Variants in PTPRM observed in about 807,000 individuals in gnomAD.
PTPRM encodes receptor-type tyrosine-protein phosphatase mu.
Under a neutral mutation model 186.7 loss-of-function variants are expected in PTPRM, and 47 were observed. The observed-to-expected ratio is 0.25, with a 90% confidence interval of 0.20 to 0.32. The LOEUF (loss-of-function observed/expected upper bound fraction) is 0.32, where lower values mean the gene tolerates loss of function less well. Ranked by LOEUF, PTPRM falls within the 10% of genes least tolerant of loss-of-function variation. The pLI is 1.00. For synonymous variants in PTPRM, 668 were observed against 674.9 expected, an observed-to-expected ratio of 0.99 and a Z score of 0.16; for missense variants, 1,494 against 1,865.0, an observed-to-expected ratio of 0.80 and a Z score of 3.66.
At chr18:7,926,390 C>T (rs971646441) in intron 4 of PTPRM, among the ~76,000 whole-genome samples, 178 bp from the exon 5 acceptor site, 2 of 152,026 alleles carry the variant, frequency 1.3e-5, no homozygotes, top group African/African-American at 2.4e-5. Flanking sequence ...CATACTAAAA[C>T]CTTTTATGAT....
chr18:8,111,928 A>G (rs560518786), intron 11 of PTPRM, among the ~76,000 whole-genome samples: 5 of 152,266 alleles, frequency 3.3e-5, no homozygotes, highest in African/African-American at 1.2e-4. Context: ...TTTGTTTTTA[A>G]TGGTATTCCA....
chr18:8,015,578 AC>A (rs2084807712), intron 7 of PTPRM, among the ~76,000 whole-genome samples: 1 of 131,130 alleles, frequency 7.6e-6, no homozygotes, highest in Non-Finnish European at 1.8e-5. Context: ...AACCTTGCTT[AC>A]TTTGATAGGG....
intron 1 of PTPRM, among the ~76,000 whole-genome samples, chr18:7,612,674 G>T (rs2037705137): frequency 6.6e-6 from 1 of 152,160 alleles, no homozygotes; most frequent in Non-Finnish European, 1.5e-5. Flanking sequence ...ATTCTAGCCA[G>T]GTCCTCCAAA....
chr18:8,262,682 G>A (rs145651268), intron 19 of PTPRM, among the ~76,000 whole-genome samples: 152 of 152,278 alleles, frequency 1.0e-3, no homozygotes, highest in African/African-American at 3.5e-3. Flanking sequence ...CTCTGTGTTT[G>A]AATAATATAG....
At chr18:8,372,104 G>A (rs1356098088) in intron 24 of PTPRM, among the ~76,000 whole-genome samples, 3 of 99,686 alleles carry the variant, frequency 3.0e-5, no homozygotes, top group Admixed American at 1.4e-4. Context: ...TCGCTCTGTC[G>A]CCCAGGCCGG....
At chr18:8,284,400 C>T (rs1359398762) in intron 19 of PTPRM, among the ~76,000 whole-genome samples, 1 of 152,194 alleles carries the variant, frequency 6.6e-6, no homozygotes. Flanking sequence ...CAACTTCTGG[C>T]AACCTCCTTT....
intron 7 of PTPRM, among the ~76,000 whole-genome samples, chr18:8,024,193 GCTT>G (rs749028785): frequency 3.9e-5 from 6 of 151,918 alleles, no homozygotes; most frequent in Non-Finnish European, 5.9e-5. Flanking sequence ...TTTAATTTCT[GCTT>G]CTTTTAGTAT....
At chr18:7,589,027 T>G (rs1414549982) in intron 1 of PTPRM, among the ~76,000 whole-genome samples, 1 of 152,106 alleles carries the variant, frequency 6.6e-6, no homozygotes, top group Non-Finnish European at 1.5e-5. Context: ...TTTTTAAATT[T>G]TGGAGAGATG....
intron 7 of PTPRM, among the ~76,000 whole-genome samples, chr18:7,976,614 G>GA (rs1005107460): frequency 7.3e-5 from 11 of 150,746 alleles, no homozygotes; most frequent in East Asian, 3.9e-4. Context: ...TTTTATTTAT[G>GA]AAAAAAAAAG....
chr18:7,792,320 A>G (rs913625191), intron 2 of PTPRM, among the ~76,000 whole-genome samples: 2 of 152,138 alleles, frequency 1.3e-5, no homozygotes, highest in Non-Finnish European at 2.9e-5. Context: ...GATGTGATTT[A>G]TTTTAGAGGC....
At chr18:7,890,303 G>A (rs114745812) in intron 3 of PTPRM, among the ~76,000 whole-genome samples, 2 of 152,116 alleles carry the variant, frequency 1.3e-5, no homozygotes, top group African/African-American at 4.8e-5. Context: ...GAAAGCTAGG[G>A]CTTTCCAGGG....
chr18:8,180,132 A>G (rs957437347), intron 14 of PTPRM, among the ~76,000 whole-genome samples: 4 of 152,144 alleles, frequency 2.6e-5, no homozygotes, highest in Non-Finnish European at 5.9e-5. Context: ...AGTGAAAGGG[A>G]GGGGAAAAAA....
intron 22 of PTPRM, among the ~76,000 whole-genome samples, chr18:8,341,455 A>G (rs1293733904): frequency 6.6e-6 from 1 of 152,160 alleles, no homozygotes; most frequent in African/African-American, 2.4e-5. Context: ...GTCGGCTGGC[A>G]AGAAGGGGTG....
At chr18:7,778,702 C>A (rs917958856) in intron 2 of PTPRM, among the ~76,000 whole-genome samples, 5 of 152,016 alleles carry the variant, frequency 3.3e-5, no homozygotes, top group Non-Finnish European at 5.9e-5. Flanking sequence ...CTGGTCTCGA[C>A]CTCTTGACCT....
At chr18:7,771,847 A>G (rs2042282694) in intron 1 of PTPRM, among the ~76,000 whole-genome samples, 1 of 152,268 alleles carries the variant, frequency 6.6e-6, no homozygotes, top group African/African-American at 2.4e-5. Flanking sequence ...TGACAATGTC[A>G]GAGTTGTAGA....
intron 1 of PTPRM, among the ~76,000 whole-genome samples, chr18:7,638,146 A>G (rs1190699783): frequency 1.3e-5 from 2 of 152,164 alleles, no homozygotes; most frequent in African/African-American, 4.8e-5. Flanking sequence ...TGCCCCTTCT[A>G]CTCTACCCTA....
At chr18:7,984,249 C>A (rs926058303) in intron 7 of PTPRM, among the ~76,000 whole-genome samples, 2 of 151,994 alleles carry the variant, frequency 1.3e-5, no homozygotes, top group African/African-American at 4.8e-5. Context: ...ACCACCACAT[C>A]CGTTTTCTTA....
intron 1 of PTPRM, among the ~76,000 whole-genome samples, chr18:7,603,113 A>G (rs1260343580): frequency 6.6e-6 from 1 of 151,762 alleles, no homozygotes; most frequent in East Asian, 1.9e-4. Flanking sequence ...TATTTTTAGT[A>G]GAGATGGGGT....
At chr18:8,098,349 A>G (rs1231980708) in intron 11 of PTPRM, among the ~76,000 whole-genome samples, 6 of 152,202 alleles carry the variant, frequency 3.9e-5, no homozygotes, top group African/African-American at 9.6e-5. Flanking sequence ...ATATCATGCA[A>G]TACCTCTAAC....
Sources: allele counts gnomAD v4.1 joint callset (sites outside exome capture counted in the v4.1 genomes callset), GRCh38; gene constraint gnomAD v4.1.1; transcripts MANE v1.5; gene names NCBI Gene and HGNC (gene_info 2026-07-23, HGNC 2026-07-21).